The following SETD1B variants were observed in gnomAD, a reference collection of about 807,000 sequenced individuals.
The protein encoded by SETD1B is SET domain containing 1B, histone lysine methyltransferase, also known as histone-lysine N-methyltransferase SETD1B.
A neutral mutation model predicts 148.0 loss-of-function variants in SETD1B; 7 were observed. The ratio of observed to expected loss-of-function variants is 0.05; its 90% confidence interval spans 0.03 to 0.09. The LOEUF (loss-of-function observed/expected upper bound fraction) is 0.09. Ranked by LOEUF, SETD1B falls within the 10% of genes least tolerant of loss-of-function variation. The pLI is 1.00. For synonymous variants in SETD1B, 1,361 were observed against 1,186.5 expected (o/e 1.15, Z -3.02); for missense variants, 2,155 against 2,729.9 (o/e 0.79, Z 4.69).
Position 121,808,356 on chromosome 12 carries a change from C to A in SETD1B, c.657+36C>A. The A allele has an allele frequency of 7.1e-7, 1 of 1,412,326 alleles. No individual in the cohort carries two copies. Among genetic ancestry groups the A allele is most frequent in the South Asian group, 1.2e-5 (1 of 80,180 alleles). The allele number at this position is 1,412,326 out of a possible 1,614,324, so 87.5% of individuals were successfully genotyped here. On this transcript the variant is annotated intron_variant, in intron 5 of 16. Transcript: ENST00000604567. This position sits in a 1 kb window ranked among gnomAD's most constrained non-coding sequence, Gnocchi z 5.3. ...GGCCGTCAGTCTGCCCCATCGCCAGCTCTTTGATGTGCCCCCCACCTCTGG... is the reference window on the plus strand; with the variant it reads ...GGCCGTCAGTCTGCCCCATCGCCAGATCTTTGATGTGCCCCCCACCTCTGG...
chr12:121,804,083 GGCGGCGGCAGCGGCAGCA>G lies in SETD1B; in HGVS notation c.-162_-145del. 6.5e-6 allele frequency: 1 copy of G among 153,156 alleles called. No homozygotes were observed. The highest frequency in any genetic ancestry group is 2.4e-5 in the African/African-American group (1 of 41,322). The allele number at this position is 153,156 out of a possible 1,614,324, so 9.5% of individuals were successfully genotyped here. A position where few individuals can be genotyped will look rare whatever the true frequency, so the allele number is the denominator to read the frequency against. ...CCTCCCGGGCAGCAGCAGCAGCAGC[GGCGGCGGCAGCGGCAGCA>G]GCTCCGGGCCCGGCAGCCGCGGCGG... is the stretch of plus-strand genomic sequence containing the variant. On this transcript the variant is annotated 5_prime_UTR_variant, in exon 1 of 17. Transcript: ENST00000604567. This position sits in a 1 kb window ranked among gnomAD's most constrained non-coding sequence, Gnocchi z 4.6.
chr12:121,814,882 T>C lies in SETD1B; in HGVS notation c.2667T>C (p.Ala889=). Residue 889 remains alanine, a synonymous_variant, in exon 7 of 17, where the codon GCT becomes GCC. Coordinates refer to ENST00000604567, the MANE Select transcript of SETD1B (RefSeq NM_001353345.2). The part of the protein sequence containing the change: ...DLNRKMVEVV[A]FRAFDEWWDK... ...ACCGCAAGATGGTGGAAGTGGTGGCTTTCCGGGCCTTTGACGAGTGGTGGG... is the reference window on the plus strand; with the variant it reads ...ACCGCAAGATGGTGGAAGTGGTGGCCTTCCGGGCCTTTGACGAGTGGTGGG... The C allele has an allele frequency of 6.4e-7, 1 of 1,551,362 alleles. No individual in the cohort carries two copies. Among genetic ancestry groups the C allele is most frequent in the East Asian group, 2.4e-5 (1 of 40,904 alleles).
At position 121,806,190 on chromosome 12, in the gene SETD1B, C is replaced by T. The variant is rs918174988; in HGVS notation, c.544+85C>T. 1.8e-5 allele frequency: 25 copies of T among 1,419,598 alleles called. No individual in the cohort carries two copies. The African/African-American group carries it at 3.3e-4, about 19-fold the overall frequency. 87.9% of individuals were successfully genotyped at this position (1,419,598 alleles called of 1,614,324 possible). On this transcript the variant is annotated intron_variant, in intron 4 of 16. Coordinates refer to ENST00000604567, the MANE Select transcript of SETD1B (RefSeq NM_001353345.2). ...CCCTTCCTGCAGCGTGGGGAGGACC[C>T]CCCCTCACTCTTCCTTGGGATCCCC...
chr12:121,826,199 C>T (rs150492251), intron 13 of SETD1B, among the ~76,000 whole-genome samples: 120 of 152,224 alleles, frequency 7.9e-4, no homozygotes, highest in African/African-American at 2.6e-3. Flanking sequence ...GTGTGAGCCA[C>T]GGTACCCAGC....
chr12:121,830,002 G>T lies in SETD1B; in HGVS notation c.5728-64G>T. On this transcript the variant is annotated intron_variant, in intron 16 of 16. Coordinates refer to ENST00000604567, the MANE Select transcript of SETD1B (RefSeq NM_001353345.2). The surrounding 1 kb of genome is among the most constrained non-coding windows in gnomAD (Gnocchi z 5.7). Reference sequence around the variant, plus strand: ...AGCACAGGCCTGGTTGGGTTTGGGGGGTCTGCAGTGGTGGGGGACCCTGGG... The same window carrying T: ...AGCACAGGCCTGGTTGGGTTTGGGGTGTCTGCAGTGGTGGGGGACCCTGGG... 1 of 1,471,598 alleles carries T rather than the reference G, an allele frequency of 6.8e-7. No individual in the cohort carries two copies. The highest frequency in any genetic ancestry group is 2.0e-5 in the Admixed American group (1 of 48,782). The allele number at this position is 1,471,598 out of a possible 1,614,324, so 91.2% of individuals were successfully genotyped here.
chr12:121,800,666 C>T (rs979567189), upstream of SETD1B: 3 of 149,558 alleles, frequency 2.0e-5, no homozygotes, highest in African/African-American at 7.3e-5. Context: ...CCGCCCGGCG[C>T]GCGGCGGCCG....
chr12:121,798,413 GGCAGCCCAGCCCCCACCCCCT>G, the SETD1B span, among the ~76,000 whole-genome samples: 1 of 152,218 alleles, frequency 6.6e-6, no homozygotes, highest in South Asian at 2.1e-4. Flanking sequence ...GAAGCTCTGA[GGCAGCCCAGCCCCCACCCCCT>G]GCAGCCACTC....
intron 12 of SETD1B, 94 bp downstream of exon 12, chr12:121,823,843 GC>G: frequency 6.9e-7 from 1 of 1,443,346 alleles, no homozygotes; most frequent in South Asian, 1.4e-5. Flanking sequence ...GTAGCAGCCC[GC>G]GGTGCCCATG....
Position 121,817,665 on chromosome 12 carries a change from C to G in SETD1B, c.3273C>G (p.Ser1091Arg). Residue 1091 changes from serine (S) to arginine (R), a missense_variant, in exon 9 of 17, where the codon AGC becomes AGG. By Grantham distance (110) the Ser-to-Arg change is moderately radical. Transcript: ENST00000604567. This position sits in a 1 kb window ranked among gnomAD's most constrained non-coding sequence, Gnocchi z 8.1. Reference sequence around the variant, plus strand: ...AGGAGGAGGAGGAAGTCCCCAGGAGCCAGCTCTCCTCCTCCTCAACCTCAT... The same window carrying G: ...AGGAGGAGGAGGAAGTCCCCAGGAGGCAGCTCTCCTCCTCCTCAACCTCAT... ...EEEEEEEVPRSQLSSSSTSST... is the reference protein window; with the variant it reads ...EEEEEEEVPRRQLSSSSTSST... 6.4e-7 allele frequency: 1 copy of G among 1,550,686 alleles called. No individual in the cohort carries two copies. Among genetic ancestry groups the G allele is most frequent in the Non-Finnish European group, 8.7e-7 (1 of 1,146,574 alleles).
At chr12:121,812,898 TG>T (rs967012884) in intron 6 of SETD1B, among the ~76,000 whole-genome samples, 5 of 152,128 alleles carry the variant, frequency 3.3e-5, no homozygotes, top group Admixed American at 1.3e-4. Context: ...CTTCCTCACC[TG>T]TAGTCTGACC....
chr12:121,810,334 G>T lies in SETD1B; in HGVS notation c.1389G>T (p.Glu463Asp). Residue 463 changes from glutamate (E) to aspartate (D), a missense_variant, in exon 6 of 17, where the codon GAG (glutamate) becomes GAT (aspartate). Glu to Asp is a conservative substitution (Grantham distance 45). Around this residue, in one of 11 missense-constraint regions of SETD1B, gnomAD observed 376 missense variants for 385.0 expected, o/e 0.98. Coordinates refer to ENST00000604567, the MANE Select transcript of SETD1B (RefSeq NM_001353345.2). The surrounding 1 kb of genome is among the most constrained non-coding windows in gnomAD (Gnocchi z 7.6). ...GPPPPDTNSM[E>D]LGGRPTFGWS... is the part of the protein sequence containing the mutation. The stretch of plus-strand genomic sequence containing the variant: ...CGCCCCCCGACACCAACAGCATGGA[G>T]CTGGGCGGCCGGCCCACCTTCGGCT... The T allele has an allele frequency of 6.5e-7, 1 of 1,545,604 alleles. No individual in the cohort carries two copies.
rs1483806865 is a variant in SETD1B at position 121,831,549 on chromosome 12, C to CT, written c.*1313dup. ...TGTATATAGAGGCTGCCGCAAAGGA[C>CT]TTTCTCTTGGGAACATTGTTTCTTG... is the stretch of plus-strand genomic sequence containing the variant. On this transcript the variant is annotated 3_prime_UTR_variant, in exon 17 of 17. Transcript: ENST00000604567. The CT allele has an allele frequency of 6.6e-6, 1 of 151,826 alleles. No individual in the cohort carries two copies. The highest frequency in any genetic ancestry group is 1.5e-5 in the Non-Finnish European group (1 of 67,972). The allele number at this position is 151,826 out of a possible 1,614,324, so 9.4% of individuals were successfully genotyped here.
rs1360614936 is a variant in SETD1B, at chr12:121,809,724, G to T, written c.779G>T (p.Ser260Ile). Reference protein sequence around the residue: ...TPFSQDTAYSSCRLDTPNSYG... With the variant: ...TPFSQDTAYSICRLDTPNSYG... The stretch of plus-strand genomic sequence containing the variant: ...TTCTCCCAGGACACAGCTTATTCCA[G>T]CTGCCGCCTGGACACACCCAACTCC... The change falls in exon 6 of 17, where the codon AGC (serine) becomes ATC (isoleucine). Residue 260 changes from serine to isoleucine, a missense_variant. By Grantham distance (142) the Ser-to-Ile change is moderately radical. This residue lies in a region of SETD1B where 376 missense variants were observed against 385.0 expected (regional missense o/e 0.98). Transcript: ENST00000604567. The T allele has an allele frequency of 1.4e-5, 22 of 1,551,518 alleles. No homozygotes were observed. Among genetic ancestry groups the T allele is most frequent in the Non-Finnish European group, 1.9e-5 (22 of 1,146,970 alleles).
chr12:121,829,135 G>C (rs1876975564), intron 16 of SETD1B, among the ~76,000 whole-genome samples: 1 of 152,202 alleles, frequency 6.6e-6, no homozygotes, highest in Non-Finnish European at 1.5e-5. Flanking sequence ...GCCAAGCTGA[G>C]GAACTAAGTT....
Position 121,804,752 on chromosome 12 carries a change from C to T in SETD1B, c.15C>T (p.His5=), listed in dbSNP as rs903593177. The T allele has an allele frequency of 7.8e-6, 12 of 1,538,074 alleles. 1 individual carries two copies. Among genetic ancestry groups the T allele is most frequent in the Middle Eastern group, 1.8e-4 (1 of 5,540 alleles). ...GGGTTAACGGCATGGAGAACAGTCACCCCCCCCACCACCACCACCAGCAGC... is the reference window on the plus strand; with the variant it reads ...GGGTTAACGGCATGGAGAACAGTCATCCCCCCCACCACCACCACCAGCAGC... The part of the protein sequence containing the change: MENS[H]PPHHHHQQPP... Residue 5 remains histidine, a synonymous_variant, in exon 2 of 17, where the codon CAC becomes CAT. Transcript: ENST00000604567. The surrounding 1 kb of genome is among the most constrained non-coding windows in gnomAD (Gnocchi z 4.6).
At chr12:121,806,224 C>T (rs1405130996) in intron 4 of SETD1B, 119 bp downstream of exon 4, 9 of 1,143,826 alleles carry the variant, frequency 7.9e-6, no homozygotes, top group Middle Eastern at 2.9e-4. Flanking sequence ...CCCCCCACAA[C>T]CTTATTTCTT....
chr12:121,807,559 C>T (rs779751135), intron 4 of SETD1B, among the ~76,000 whole-genome samples: 1 of 151,888 alleles, frequency 6.6e-6, no homozygotes, highest in East Asian at 1.9e-4. Context: ...GCTCCAGGAA[C>T]GTGTCTTTTT....
chr12:121,800,872 C>G (rs1159066829), upstream of SETD1B: 5 of 151,816 alleles, frequency 3.3e-5, no homozygotes, highest in East Asian at 9.8e-4. Context: ...GCCTCCTGCT[C>G]CGGGCTCCCC....
the SETD1B span, chr12:121,793,249 A>G: frequency 4.5e-6 from 7 of 1,550,462 alleles, no homozygotes; most frequent in Non-Finnish European, 6.1e-6. Flanking sequence ...GCTGCGGGAG[A>G]GGGGGTCGGG....
Sources: allele counts gnomAD v4.1 joint callset (sites outside exome capture counted in the v4.1 genomes callset), GRCh38; gene constraint gnomAD v4.1.1; regional missense constraint gnomAD v4.1.1; non-coding constraint Gnocchi (gnomAD v3.1); transcripts MANE v1.5; gene names NCBI Gene and HGNC (gene_info 2026-07-23, HGNC 2026-07-21).